The following AKAP6 variants were observed in gnomAD, a reference collection of about 807,000 sequenced individuals.
AKAP6 encodes the protein A-kinase anchoring protein 6.
AKAP6 carries 58 observed loss-of-function variants against 188.5 expected under a neutral mutation model. The ratio of observed to expected loss-of-function variants is 0.31; its 90% confidence interval spans 0.25 to 0.38. The LOEUF is 0.38. AKAP6 is among the 10% of genes least tolerant of loss of function. AKAP6 has a pLI of 1.00. For missense variants in AKAP6, 2,710 were observed against 2,740.0 expected, an observed-to-expected ratio of 0.99 and a Z score of 0.24; for synonymous variants, 989 against 998.6, an observed-to-expected ratio of 0.99 and a Z score of 0.18.
chr14:32,514,548 T>G (rs756141381), intron 2 of AKAP6, among the ~76,000 whole-genome samples: 17 of 152,222 alleles, frequency 1.1e-4, no homozygotes, highest in Non-Finnish European at 1.9e-4. Flanking sequence ...GAAAAAGTAC[T>G]AATGAATAGG....
chr14:32,529,544 C>T (rs768231834), intron 2 of AKAP6, among the ~76,000 whole-genome samples: 22 of 152,170 alleles, frequency 1.4e-4, no homozygotes, highest in Non-Finnish European at 2.2e-4. Context: ...CCTTGCCTTG[C>T]TGTCAGTCTT....
chr14:32,731,161 A>G (rs899510476), intron 9 of AKAP6, among the ~76,000 whole-genome samples: 1 of 152,200 alleles, frequency 6.6e-6, no homozygotes, highest in Non-Finnish European at 1.5e-5. Flanking sequence ...CATTTGGAGA[A>G]GTTTACATAA....
chr14:32,722,829 G>A (rs2030619106), intron 9 of AKAP6, among the ~76,000 whole-genome samples: 1 of 152,148 alleles, frequency 6.6e-6, no homozygotes, highest in African/African-American at 2.4e-5. Flanking sequence ...CTTCCTGGAT[G>A]CTGGACAAGA....
chr14:32,470,973 A>C (rs756103577), intron 2 of AKAP6, among the ~76,000 whole-genome samples: 4 of 150,578 alleles, frequency 2.7e-5, no homozygotes, highest in African/African-American at 7.3e-5. Flanking sequence ...AATCTCAAAT[A>C]CTTTAGATAC....
At position 32,573,465 on chromosome 14, in the gene AKAP6, T is replaced by C. The variant is rs1884582667; in HGVS notation, c.2347-3655T>C. On this transcript the variant is annotated intron_variant, in intron 4 of 13. Transcript: ENST00000280979. ...AGAATTCCGATACAGATATAATAAT[T>C]TCACAATATCCAGAAGAGTGTCCCA... Among the ~76,000 whole-genome samples, 3 of 152,274 alleles carry C rather than the reference T, an allele frequency of 2.0e-5. No individual in the cohort carries two copies. In the South Asian group the frequency reaches 6.2e-4, roughly 32 times the overall value.
chr14:32,728,191 C>T (rs1032698417), intron 9 of AKAP6, among the ~76,000 whole-genome samples: 1 of 138,008 alleles, frequency 7.2e-6, no homozygotes, highest in African/African-American at 2.7e-5. Flanking sequence ...TAAATAGACA[C>T]ATCCCTGGAT....
chr14:32,822,746 C>T lies in AKAP6; in HGVS notation c.4933C>T (p.Pro1645Ser). 2 of 1,613,782 alleles carry T rather than the reference C, an allele frequency of 1.2e-6. No homozygotes were observed. The highest frequency in any genetic ancestry group is 8.5e-7 in the Non-Finnish European group (1 of 1,179,888). ...LLNRLENIQS[P>S]SEQKIKRSVS... ...GAATCGTTTGGAGAATATCCAGAGC[C>T]CCTCAGAGCAAAAGATAAAACGAAG... is the stretch of plus-strand genomic sequence containing the variant. Residue 1645 changes from proline (P) to serine (S), a missense_variant, in exon 13 of 14, where the codon CCC (proline) becomes TCC (serine). Physicochemically the swap from Pro to Ser is moderately conservative, Grantham distance 74. Around this residue, in one of 2 missense-constraint regions of AKAP6, gnomAD observed 2,473 missense variants for 2,426.1 expected, o/e 1.02. Coordinates refer to ENST00000280979, the MANE Select transcript of AKAP6 (RefSeq NM_004274.5).
intron 1 of AKAP6, among the ~76,000 whole-genome samples, chr14:32,347,086 T>C (rs1297809014): frequency 6.6e-6 from 1 of 152,242 alleles, no homozygotes; most frequent in African/African-American, 2.4e-5. Flanking sequence ...GCTCTAACTA[T>C]ATATTAAGTA....
intron 12 of AKAP6, among the ~76,000 whole-genome samples, chr14:32,796,525 A>G (rs1290432269): frequency 1.3e-5 from 2 of 152,244 alleles, no homozygotes; most frequent in East Asian, 3.8e-4. Flanking sequence ...AAAAGCAGCA[A>G]TGGGGAAAGG....
At chr14:32,616,493 A>G (rs1326637289) in intron 7 of AKAP6, among the ~76,000 whole-genome samples, 1 of 152,202 alleles carries the variant, frequency 6.6e-6, no homozygotes. Context: ...TTAGCAAACT[A>G]ACACAGGAAC....
intron 7 of AKAP6, among the ~76,000 whole-genome samples, chr14:32,608,440 C>CAGTG (rs1308315388): frequency 7.0e-6 from 1 of 143,778 alleles, no homozygotes; most frequent in African/African-American, 2.6e-5. Flanking sequence ...ATGGAGTTTG[C>CAGTG]AGTGAGCTGA....
At chr14:32,417,911 T>G (rs1423051174) in intron 1 of AKAP6, 2 of 152,174 alleles carry the variant, frequency 1.3e-5, no homozygotes, top group African/African-American at 4.8e-5. Context: ...TTCAGGCATG[T>G]GAAGTATCAT....
chr14:32,828,647 ACCTAG>A (rs773619383), intron 13 of AKAP6, among the ~76,000 whole-genome samples: 1 of 151,886 alleles, frequency 6.6e-6, no homozygotes, highest in Non-Finnish European at 1.5e-5. Context: ...AGAATTGATT[ACCTAG>A]AGAGAATTTA....
chr14:32,740,235 C>T (rs1157056132), intron 11 of AKAP6, among the ~76,000 whole-genome samples: 1 of 151,852 alleles, frequency 6.6e-6, no homozygotes, highest in African/African-American at 2.4e-5. Flanking sequence ...AGATTTTTTC[C>T]CTATACAGTT....
At chr14:32,627,063 T>G (rs188974111) in intron 7 of AKAP6, among the ~76,000 whole-genome samples, 1 of 152,116 alleles carries the variant, frequency 6.6e-6, no homozygotes, top group Non-Finnish European at 1.5e-5. Flanking sequence ...GACACACTTA[T>G]AGAAGAAGAG....
chr14:32,688,979 G>C (rs1340768471), intron 8 of AKAP6, among the ~76,000 whole-genome samples: 19 of 152,044 alleles, frequency 1.2e-4, no homozygotes. Context: ...TTTATGAAAT[G>C]GTGAACTGCC....
At chr14:32,476,609 T>A (rs190562406) in intron 2 of AKAP6, among the ~76,000 whole-genome samples, 38 of 152,302 alleles carry the variant, frequency 2.5e-4, no homozygotes, top group Admixed American at 2.0e-3. Context: ...GATTAAAACC[T>A]TCAGACACCG....
At chr14:32,618,166 G>A (rs1216863400) in intron 7 of AKAP6, among the ~76,000 whole-genome samples, 1 of 152,088 alleles carries the variant, frequency 6.6e-6, no homozygotes, top group Non-Finnish European at 1.5e-5. Context: ...TCTGTACTTG[G>A]AAATTTTATT....
intron 1 of AKAP6, among the ~76,000 whole-genome samples, chr14:32,330,161 T>G (rs1594508374): frequency 6.6e-6 from 1 of 151,962 alleles, no homozygotes; most frequent in South Asian, 2.1e-4. Context: ...CAGTGAAGGG[T>G]AACCCTGGGA....
Sources: gnomAD v4.1 joint callset for allele counts (sites outside exome capture counted in the v4.1 genomes callset) on GRCh38, gnomAD v4.1.1 for gene constraint, gnomAD v4.1.1 regional missense constraint, MANE v1.5 for transcripts, NCBI Gene and HGNC (gene_info 2026-07-23, HGNC 2026-07-21) for gene names.